CPAMD8: variants seen among roughly 807,000 people sequenced by gnomAD.
The protein encoded by CPAMD8 is C3 and PZP like alpha-2-macroglobulin domain containing 8.
In CPAMD8, 146 loss-of-function variants were observed where a neutral mutation model predicts 224.7. The ratio of observed to expected loss-of-function variants is 0.65; its 90% CI spans 0.57 to 0.75. CPAMD8 has a LOEUF of 0.75. Among genes scored for constraint, CPAMD8 ranks in the 30% least tolerant of loss-of-function variants. The pLI is 0.00. For missense variants in CPAMD8, 2,301 were observed against 2,537.5 expected, an observed-to-expected ratio of 0.91 and a Z score of 2.00; for synonymous variants, 966 against 1,044.6, an observed-to-expected ratio of 0.92 and a Z score of 1.45.
At chr19:17,021,921 G>T in intron 2 of CPAMD8, 109 bp downstream of exon 2, 1 of 1,049,126 alleles carries the variant, frequency 9.5e-7, no homozygotes, top group Non-Finnish European at 1.4e-6. Context: ...GGGATTTAGG[G>T]CAGAAGGGAA....
At chr19:16,987,206 A>ATG (rs2055775429) in intron 13 of CPAMD8, among the ~76,000 whole-genome samples, 1 of 127,902 alleles carries the variant, frequency 7.8e-6, no homozygotes, top group African/African-American at 2.9e-5. Context: ...ATATATATAT[A>ATG]TATGTATATG....
In CPAMD8 at chr19:16,893,193, A is replaced by C. The variant is rs766459465; in HGVS notation, c.5573T>G (p.Leu1858Arg). The change falls in exon 42 of 42, where the codon CTG (leucine) becomes CGG (arginine). Residue 1858 changes from leucine to arginine, a missense_variant. Around this residue, in one of 4 missense-constraint regions of CPAMD8, gnomAD observed 1,709 missense variants for 1,753.2 expected, o/e 0.97. Coordinates refer to ENST00000443236, the MANE Select transcript of CPAMD8 (RefSeq NM_015692.5). ...RVVGAHRPGL[L>R]SPVFVYSPAF... ...TGGGCTGTAGACGAAGACAGGGCTC[A>C]GAAGCCCTGGCCTGTGGGCCCCCAC... 6.3e-6 allele frequency: 10 copies of C among 1,593,304 alleles called. No individual in the cohort carries two copies. The Middle Eastern group carries it at 1.3e-3, about 211-fold the overall frequency.
intron 39 of CPAMD8, chr19:16,896,990 A>AGTTCGG (rs2052031317): frequency 7.4e-6 from 1 of 134,952 alleles, no homozygotes; most frequent in African/African-American, 4.6e-5. Context: ...ACCCACCCCA[A>AGTTCGG]CCCCACCCCC....
intron 1 of CPAMD8, among the ~76,000 whole-genome samples, chr19:17,024,602 C>T (rs1049986532): frequency 2.0e-5 from 3 of 152,200 alleles, no homozygotes; most frequent in African/African-American, 4.8e-5. Flanking sequence ...CCTGACAATA[C>T]GGGTTCAAGT....
At chr19:16,946,933 C>T in intron 21 of CPAMD8, 141 bp downstream of exon 21, 2 of 804,806 alleles carry the variant, frequency 2.5e-6, no homozygotes, top group Non-Finnish European at 1.9e-6. Flanking sequence ...CCTGCTTGCC[C>T]CAGTTGCTGT....
At position 17,002,582 on chromosome 19, in the gene CPAMD8, CT is replaced by C. The variant is rs534683269; in HGVS notation, c.674-233del. The C allele has an allele frequency of 1.4e-3, 606 of 429,022 alleles. 2 individuals are homozygous for C. Among genetic ancestry groups the C allele is most frequent in the Middle Eastern group, 6.0e-3 (9 of 1,504 alleles). 26.6% of individuals were successfully genotyped at this position (429,022 alleles called of 1,614,324 possible). On this transcript the variant is annotated intron_variant, in intron 8 of 41. Transcript: ENST00000443236. ...TTTCCTCAAGGGGCCTCCCCTGTCACTTTTAGACCACGTGCTTAGAGTGTGG... is the reference window on the plus strand; with the variant it reads ...TTTCCTCAAGGGGCCTCCCCTGTCACTTTAGACCACGTGCTTAGAGTGTGG...
chr19:16,910,011 C>A (rs1235884790), intron 29 of CPAMD8, among the ~76,000 whole-genome samples: 1 of 150,150 alleles, frequency 6.7e-6, no homozygotes, highest in Non-Finnish European at 1.5e-5. Flanking sequence ...GCCATGGTGC[C>A]TGGCTGATTT....
At chr19:16,986,477 C>A (rs1371093507) in intron 13 of CPAMD8, among the ~76,000 whole-genome samples, 1 of 152,172 alleles carries the variant, frequency 6.6e-6, no homozygotes, top group Non-Finnish European at 1.5e-5. Flanking sequence ...AGCGTCCCCA[C>A]CCTGCACCAC....
rs191165651 is a variant in CPAMD8, at chr19:16,989,122, A to G, written c.1395+521T>C. On this transcript the variant is annotated intron_variant, in intron 13 of 41. Coordinates refer to ENST00000443236, the MANE Select transcript of CPAMD8 (RefSeq NM_015692.5). ...GTGAGTTGTATCATTGTTTCATTAT[A>G]TATTGCAATGTCATAATAATAGAAA... 4.6e-5 allele frequency among the ~76,000 whole-genome samples: 7 copies of G among 152,274 alleles called. No homozygotes were observed. In the East Asian group the frequency reaches 1.4e-3, roughly 29 times the overall value.
chr19:16,979,855 C>G (rs886915052), intron 14 of CPAMD8, among the ~76,000 whole-genome samples: 1 of 152,148 alleles, frequency 6.6e-6, no homozygotes. Flanking sequence ...GTCTATCTAC[C>G]TACCTATCTC....
chr19:16,897,276 G>GC, intron 39 of CPAMD8: 1 of 6,688 alleles, frequency 1.5e-4, no homozygotes, highest in Non-Finnish European at 2.4e-4. Context: ...GTTCGGCCCC[G>GC]CCCCCCGCAC....
At position 16,896,568 on chromosome 19, in the gene CPAMD8, G is replaced by A; in HGVS notation, c.5163C>T (p.Asn1721=). The A allele has an allele frequency of 6.6e-7, 1 of 1,509,928 alleles. No homozygotes were observed. The highest frequency in any genetic ancestry group is 8.8e-7 in the Non-Finnish European group (1 of 1,135,896). The allele number at this position is 1,509,928 out of a possible 1,614,324, so 93.5% of individuals were successfully genotyped here. A position where few individuals can be genotyped will look rare whatever the true frequency, so the allele number is the denominator to read the frequency against. Residue 1721 remains asparagine, a synonymous_variant, in exon 40 of 42, where the codon AAC becomes AAT. Transcript: ENST00000443236. The part of the protein sequence containing the change: ...GCDHDCGAQG[N]PVCGSDGVVY... ...CCACCCCGTCGGAGCCGCACACCGGGTTCCCCTGGGCGCCGCAGTCGTGGT... is the reference window on the plus strand; with the variant it reads ...CCACCCCGTCGGAGCCGCACACCGGATTCCCCTGGGCGCCGCAGTCGTGGT...
At chr19:17,023,669 C>T (rs1276797487) in intron 1 of CPAMD8, among the ~76,000 whole-genome samples, 1 of 152,118 alleles carries the variant, frequency 6.6e-6, no homozygotes, top group East Asian at 1.9e-4. Flanking sequence ...GTACCCTCCA[C>T]CTCCCAGGTT....
chr19:16,999,095 T>C (rs985038816), intron 10 of CPAMD8, among the ~76,000 whole-genome samples: 1 of 152,112 alleles, frequency 6.6e-6, no homozygotes, highest in South Asian at 2.1e-4. Flanking sequence ...ACATATAGCA[T>C]ATGATTCATT....
intron 13 of CPAMD8, among the ~76,000 whole-genome samples, chr19:16,988,753 C>G (rs2055834993): frequency 6.6e-6 from 1 of 152,138 alleles, no homozygotes; most frequent in South Asian, 2.1e-4. Flanking sequence ...GGTCCCCAAC[C>G]CCCAGGGCCA....
Position 16,947,138 on chromosome 19 carries a change from G to T in CPAMD8, c.2598C>A (p.Pro866=). 6.8e-6 allele frequency: 11 copies of T among 1,613,036 alleles called. No homozygotes were observed. The highest frequency in any genetic ancestry group is 2.2e-5 in the East Asian group (1 of 44,752). The change falls in exon 21 of 42, where the codon CCC becomes CCA. Residue 866 remains proline, a synonymous_variant. Transcript: ENST00000443236. ...CGACCCAGATGGGCTCAGCCTCCCC[G>T]GGGGCCACACACATCTTCTTGGTCA... ...RHVTKKMCVA[P]GEAEPIWVVL...
chr19:17,016,695 G>T (rs2056820684), intron 3 of CPAMD8, among the ~76,000 whole-genome samples: 1 of 152,140 alleles, frequency 6.6e-6, no homozygotes, highest in African/African-American at 2.4e-5. Flanking sequence ...AGGAGGCAGA[G>T]GTTGCAGTGA....
Position 16,896,271 on chromosome 19 carries a change from C to T in CPAMD8, c.5331G>A (p.Val1777=), listed in dbSNP as rs773963575. ...SSTYGDDLAS[V]APGPLQQDVK... ...CGTCCTGCTGTAAAGGCCCCGGGGC[C>T]ACAGAAGCCAGGTCATCCCCGTAGG... The change falls in exon 41 of 42, where the codon GTG becomes GTA. Residue 1777 remains valine, a synonymous_variant. Transcript: ENST00000443236. 2.2e-5 allele frequency: 36 copies of T among 1,613,202 alleles called. No individual in the cohort carries two copies. The Admixed American group carries it at 5.3e-4, about 24-fold the overall frequency.
At position 16,906,944 on chromosome 19, in the gene CPAMD8, A is replaced by G. The variant is rs1460649378; in HGVS notation, c.4027+8T>C. On this transcript the variant is annotated splice_region_variant and intron_variant, in intron 30 of 41. Transcript: ENST00000443236. ...CTGTGGCCTCTGGGGAGGGCCAGGG[A>G]CACCTACCTCGCATGATGGCCAGGC... is the stretch of plus-strand genomic sequence containing the variant. 5.7e-6 allele frequency: 9 copies of G among 1,576,632 alleles called. No individual in the cohort carries two copies. Among genetic ancestry groups the G allele is most frequent in the Non-Finnish European group, 7.7e-6 (9 of 1,161,688 alleles).
Sources: gnomAD v4.1 joint callset for allele counts (sites outside exome capture counted in the v4.1 genomes callset) on GRCh38, gnomAD v4.1.1 for gene constraint, gnomAD v4.1.1 regional missense constraint, MANE v1.5 for transcripts, NCBI Gene and HGNC (gene_info 2026-07-23, HGNC 2026-07-21) for gene names.